TJP2: variants seen among roughly 807,000 people sequenced by gnomAD.
The protein encoded by TJP2 is Friedreich ataxia region gene X104 (tight junction protein ZO-2).
A neutral mutation model predicts 133.1 loss-of-function variants in TJP2; 91 were observed. That is an observed-to-expected ratio of 0.68 (90% CI 0.58 to 0.81). The LOEUF (loss-of-function observed/expected upper bound fraction) is 0.81, where lower values mean the gene tolerates loss of function less well. Among genes scored for constraint, TJP2 ranks in the 40% least tolerant of loss-of-function variants. The pLI, the probability that TJP2 is intolerant of heterozygous loss-of-function variation, is 0.00. For synonymous variants in TJP2, 592 were observed against 583.4 expected (o/e 1.01, Z -0.21); for missense variants, 1,541 against 1,565.6 (o/e 0.98, Z 0.26).
intron 1 of TJP2, among the ~76,000 whole-genome samples, chr9:69,130,029 A>G (rs1368178455): frequency 6.6e-6 from 1 of 151,340 alleles, no homozygotes; most frequent in African/African-American, 2.4e-5. Context: ...AAAAAAAAAA[A>G]AAAGAAAAAG....
intron 6 of TJP2, 111 bp downstream of exon 6, chr9:69,225,518 A>C: frequency 1.3e-6 from 1 of 767,048 alleles, no homozygotes; most frequent in Non-Finnish European, 2.3e-6. Flanking sequence ...GTCAGTGGTA[A>C]GACAGAGGTG....
At position 69,237,001 on chromosome 9, in the gene TJP2, C is replaced by T. The variant is rs760622082; in HGVS notation, c.2044C>T (p.Arg682Trp). ...QNAQRDNAGD[R>W]ADFWRMRGQR... ...TGCCCAGAGAGACAACGCTGGGGAC[C>T]GGGCAGATTTCTGGAGAATGCGTGG... is the stretch of plus-strand genomic sequence containing the variant. Residue 682 changes from arginine to tryptophan, a missense_variant, in exon 14 of 23, where the codon CGG becomes TGG. Physicochemically the swap from Arg to Trp is moderately radical, Grantham distance 101. Transcript: ENST00000377245. The T allele has an allele frequency of 3.3e-5, 53 of 1,613,998 alleles. No homozygotes were observed. The highest frequency in any genetic ancestry group is 1.6e-4 in the Middle Eastern group (1 of 6,084).
At position 69,210,739 on chromosome 9, in the gene TJP2, GTTCT is replaced by G. The variant is rs139509962; in HGVS notation, c.61-1806_61-1803del. Among the ~76,000 whole-genome samples the G allele has an allele frequency of 1.2e-4, 12 of 96,630 alleles. No homozygotes were observed. In the Admixed American group the frequency reaches 1.3e-3, roughly 11 times the overall value. The allele number at this position is 96,630 out of a possible 152,430, so 63.4% of individuals were successfully genotyped here. A position where few individuals can be genotyped will look rare whatever the true frequency, so the allele number is the denominator to read the frequency against. On this transcript the variant is annotated intron_variant, in intron 1 of 22. Transcript: ENST00000377245. ...TTCTGGCCTTTTTCAGGTATTTTGAGTTCTTTTTTTTTTTTTTTTTTTTTCTTAT... is the reference window on the plus strand; with the variant it reads ...TTCTGGCCTTTTTCAGGTATTTTGAGTTTTTTTTTTTTTTTTTTTTCTTAT...
intron 1 of TJP2, among the ~76,000 whole-genome samples, chr9:69,183,442 T>G (rs1825649755): frequency 6.6e-6 from 1 of 152,166 alleles, no homozygotes; most frequent in Admixed American, 6.5e-5. Context: ...AAATCAACAT[T>G]TTATGTCTGT....
At chr9:69,224,323 C>T (rs781318902) in intron 5 of TJP2, among the ~76,000 whole-genome samples, 2 of 152,124 alleles carry the variant, frequency 1.3e-5, no homozygotes, top group Non-Finnish European at 2.9e-5. Flanking sequence ...TCATTGTCAG[C>T]AGAACATGCC....
intron 11 of TJP2, among the ~76,000 whole-genome samples, chr9:69,230,812 C>A (rs1254477437): frequency 6.6e-6 from 1 of 152,194 alleles, no homozygotes; most frequent in South Asian, 2.1e-4. Flanking sequence ...AGTTCCCTGG[C>A]ACAGAATAGG....
intron 21 of TJP2, among the ~76,000 whole-genome samples, chr9:69,252,239 C>G (rs942989154): frequency 1.3e-5 from 2 of 152,128 alleles, no homozygotes; most frequent in African/African-American, 4.8e-5. Context: ...AAGCAATGCA[C>G]CCTCCTCAGC....
intron 1 of TJP2, among the ~76,000 whole-genome samples, chr9:69,178,256 GAT>G (rs1294257009): frequency 6.6e-6 from 1 of 152,180 alleles, no homozygotes; most frequent in Non-Finnish European, 1.5e-5. Context: ...GGTGCAGAGA[GAT>G]ACATATTCTA....
At chr9:69,136,776 G>A (rs902873311) in intron 1 of TJP2, among the ~76,000 whole-genome samples, 6 of 152,184 alleles carry the variant, frequency 3.9e-5, no homozygotes, top group African/African-American at 1.4e-4. Context: ...GAAGCCTGGT[G>A]ATGGTGGTAG....
rs182544910 is a variant in TJP2 at position 69,235,996 on chromosome 9, T to C, written c.1781-32T>C. On this transcript the variant is annotated intron_variant, in intron 12 of 22. Coordinates refer to ENST00000377245, the MANE Select transcript of TJP2 (RefSeq NM_004817.4). Reference sequence around the variant, plus strand: ...TCTAGTACTGTAACTTGTACTAAGCTGAATGCAACAAACGATGCTTTTGTC... The same window carrying C: ...TCTAGTACTGTAACTTGTACTAAGCCGAATGCAACAAACGATGCTTTTGTC... 338 of 1,606,468 alleles carry C rather than the reference T, an allele frequency of 2.1e-4. 1 individual carries two copies. Among genetic ancestry groups the C allele is most frequent in the Admixed American group, 5.2e-4 (31 of 60,016 alleles).
At chr9:69,217,787 A>C (rs913956605) in intron 3 of TJP2, among the ~76,000 whole-genome samples, 1 of 152,216 alleles carries the variant, frequency 6.6e-6, no homozygotes, top group Non-Finnish European at 1.5e-5. Flanking sequence ...ATTTGGGATG[A>C]ACTGGAACAA....
intron 2 of TJP2, among the ~76,000 whole-genome samples, chr9:69,153,314 G>A (rs1426194104): frequency 6.6e-6 from 1 of 152,106 alleles, no homozygotes; most frequent in Non-Finnish European, 1.5e-5. Flanking sequence ...TGGGCGCGGT[G>A]GCTCATGCCT....
chr9:69,249,573 T>G (rs748377126), intron 20 of TJP2, 88 bp downstream of exon 20: 270 of 1,547,604 alleles, frequency 1.7e-4, no homozygotes, highest in Non-Finnish European at 2.3e-4. Flanking sequence ...GCATGCACAC[T>G]GAGATGGTGT....
chr9:69,192,439 TC>T (rs1003750991), intron 1 of TJP2, among the ~76,000 whole-genome samples: 1 of 152,110 alleles, frequency 6.6e-6, no homozygotes, highest in Non-Finnish European at 1.5e-5. Context: ...ACTGGAGCAG[TC>T]GGAGAAAGCT....
rs753258740 is a variant in TJP2 at position 69,254,623 on chromosome 9, GA to G, written c.*250del. 4 of 601,886 alleles carry G rather than the reference GA, an allele frequency of 6.6e-6. No individual in the cohort carries two copies. Among genetic ancestry groups the G allele is most frequent in the Non-Finnish European group, 8.9e-6 (3 of 337,066 alleles). The allele number at this position is 601,886 out of a possible 1,614,324, so 37.3% of individuals were successfully genotyped here. ...AGAATTAAGCAGAACACTGCAGTCA[GA>G]TCCTGTTACTTGCTTCAGTGGACCG... On this transcript the variant is annotated 3_prime_UTR_variant, in exon 23 of 23. Transcript: ENST00000377245.
chr9:69,204,880 T>C (rs908579126), intron 1 of TJP2: 2 of 1,204,616 alleles, frequency 1.7e-6, no homozygotes, highest in East Asian at 7.9e-5. Flanking sequence ...AAGAAATATC[T>C]ACTCGGATGC....
chr9:69,246,600 A>G, intron 17 of TJP2, 90 bp from the exon 18 acceptor site: 1 of 1,123,172 alleles, frequency 8.9e-7, no homozygotes. Flanking sequence ...CTTAAATATC[A>G]CAGAAATGAG....
chr9:69,200,238 G>A (rs1194864135), intron 1 of TJP2, among the ~76,000 whole-genome samples: 4 of 152,064 alleles, frequency 2.6e-5, no homozygotes, highest in Non-Finnish European at 2.9e-5. Context: ...TATGCAGAAT[G>A]CCCACCCACC....
At chr9:69,137,295 C>CCT (rs1554768455) in intron 1 of TJP2, among the ~76,000 whole-genome samples, 11 of 69,470 alleles carry the variant, frequency 1.6e-4, no homozygotes, top group East Asian at 1.0e-3. Context: ...TTCTTTCTTT[C>CCT]TTTCTTTTCT....
Sources: allele counts gnomAD v4.1 joint callset (sites outside exome capture counted in the v4.1 genomes callset), GRCh38; gene constraint gnomAD v4.1.1; transcripts MANE v1.5; gene names NCBI Gene and HGNC (gene_info 2026-07-23, HGNC 2026-07-21).